The following FNBP4 variants were observed in gnomAD, a reference collection of about 807,000 sequenced individuals.
FNBP4 encodes formin-binding protein 4.
A neutral mutation model predicts 119.3 loss-of-function variants in FNBP4; 34 were observed. The ratio of observed to expected loss-of-function variants is 0.28; its 90% CI spans 0.22 to 0.38. FNBP4 has a LOEUF of 0.38. Ranked by LOEUF, FNBP4 falls within the 10% of genes least tolerant of loss-of-function variation. The probability of loss-of-function intolerance (pLI) is 1.00; values close to 1 mark genes in which losing one functional copy is unlikely to be tolerated. For missense variants in FNBP4, 1,112 were observed against 1,228.9 expected (o/e 0.90, Z 1.42); for synonymous variants, 462 against 430.6 (o/e 1.07, Z -0.90).
At chr11:47,748,360 C>T (rs2097595101) in intron 6 of FNBP4, among the ~76,000 whole-genome samples, 2 of 151,930 alleles carry the variant, frequency 1.3e-5, no homozygotes, top group South Asian at 4.1e-4. Context: ...TAACACTTGT[C>T]CTATCCTCCT....
chr11:47,724,019 C>T lies in FNBP4; in HGVS notation c.2464+9G>A. 6.8e-6 allele frequency: 11 copies of T among 1,612,328 alleles called. No individual in the cohort carries two copies. Among genetic ancestry groups the T allele is most frequent in the Non-Finnish European group, 8.5e-6 (10 of 1,179,496 alleles). ...CATTGAGGAAAAACCACGCTCTATG[C>T]ACAATTACCTGTAGCTATAGCTGAC... On this transcript the variant is annotated intron_variant, in intron 14 of 16. Transcript: ENST00000263773.
chr11:47,730,473 A>C (rs2097566109), intron 12 of FNBP4, among the ~76,000 whole-genome samples: 1 of 152,258 alleles, frequency 6.6e-6, no homozygotes, highest in Admixed American at 6.5e-5. Context: ...TTGGTACATT[A>C]CTAGTGCTTT....
At chr11:47,735,190 A>C (rs1398419360) in intron 9 of FNBP4, among the ~76,000 whole-genome samples, 2 of 152,206 alleles carry the variant, frequency 1.3e-5, no homozygotes, top group African/African-American at 4.8e-5. Flanking sequence ...GACATAGTAC[A>C]TGCAAGATAT....
At position 47,745,985 on chromosome 11, in the gene FNBP4, GTCAAGCACAA is replaced by G. The variant is rs1416561839; in HGVS notation, c.1245+61_1245+70del. On this transcript the variant is annotated intron_variant, in intron 7 of 16. Coordinates refer to ENST00000263773, the MANE Select transcript of FNBP4 (RefSeq NM_015308.5). ...AACAAAATCCCAATAATGGTTGTAA[GTCAAGCACAA>G]TGATCCCTGTAGAGTAGTACTGAGG... 4 of 1,294,518 alleles carry G rather than the reference GTCAAGCACAA, an allele frequency of 3.1e-6. No individual in the cohort carries two copies. In the Admixed American group the frequency reaches 7.0e-5, roughly 23 times the overall value. The allele number at this position is 1,294,518 out of a possible 1,614,324, so 80.2% of individuals were successfully genotyped here.
chr11:47,724,007 C>A (rs368064726), intron 14 of FNBP4, 21 bp downstream of exon 14: 7 of 1,605,732 alleles, frequency 4.4e-6, no homozygotes, highest in Non-Finnish European at 4.2e-6. Context: ...TGAGGAAAAA[C>A]CACGCTCTAT....
intron 1 of FNBP4, among the ~76,000 whole-genome samples, chr11:47,766,511 T>C (rs7128206): frequency 0.94 from 142,709 of 152,252 alleles, 67,598 homozygotes; most frequent in East Asian, 1. Flanking sequence ...CGGCGCCTAG[T>C]CCTGGAGTCA....
Position 47,751,023 on chromosome 11 carries a change from C to G in FNBP4, c.799G>C (p.Ala267Pro), listed in dbSNP as rs1000200109. 2 of 1,613,744 alleles carry G rather than the reference C, an allele frequency of 1.2e-6. No individual in the cohort carries two copies. The highest frequency in any genetic ancestry group is 1.7e-6 in the Non-Finnish European group (2 of 1,179,970). The change falls in exon 6 of 17, where the codon GCT becomes CCT. Residue 267 changes from alanine to proline, a missense_variant. By Grantham distance (27) the Ala-to-Pro change is conservative. This residue lies in a region of FNBP4 where 826 missense variants were observed against 988.8 expected (regional missense o/e 0.84). Transcript: ENST00000263773. Reference sequence around the variant, plus strand: ...GTATTTACCACAAAACTAGTTTCAGCACCTGGCACAGAACTAAAAAAATAT... The same window carrying G: ...GTATTTACCACAAAACTAGTTTCAGGACCTGGCACAGAACTAAAAAAATAT... ...QHYQPSSVPG[A>P]ETSFVVNTDI...
At chr11:47,755,249 A>C (rs2097614360) in intron 2 of FNBP4, among the ~76,000 whole-genome samples, 1 of 152,124 alleles carries the variant, frequency 6.6e-6, no homozygotes, top group Non-Finnish European at 1.5e-5. Context: ...CAGGAGTTCA[A>C]GACCAGCCTG....
chr11:47,723,230 G>A lies in FNBP4; in HGVS notation c.2551C>T (p.His851Tyr). The A allele has an allele frequency of 6.2e-7, 1 of 1,614,156 alleles. No individual in the cohort carries two copies. The highest frequency in any genetic ancestry group is 8.5e-7 in the Non-Finnish European group (1 of 1,180,032). ...TGCAGGCTCATTCCTCTGGCCTGAT[G>A]ACCCATTCCTGCTGCTGGAAGGCTA... is the stretch of plus-strand genomic sequence containing the variant. ...PVSLPAAGMG[H>Y]QARGMSLQSN... Residue 851 changes from histidine (H) to tyrosine (Y), a missense_variant, in exon 15 of 17, where the codon CAT (histidine) becomes TAT (tyrosine). Coordinates refer to ENST00000263773, the MANE Select transcript of FNBP4 (RefSeq NM_015308.5).
At chr11:47,744,266 G>T in intron 7 of FNBP4, 103 bp from the exon 8 acceptor site, 2 of 1,134,608 alleles carry the variant, frequency 1.8e-6, no homozygotes, top group Non-Finnish European at 2.5e-6. Flanking sequence ...AATTCTTTGA[G>T]AACAGAAAGC....
intron 2 of FNBP4, among the ~76,000 whole-genome samples, chr11:47,762,183 A>C (rs946029429): frequency 6.8e-6 from 1 of 146,366 alleles, no homozygotes; most frequent in African/African-American, 2.6e-5. Context: ...CCCAGGCTGG[A>C]GTGCAATGGT....
At chr11:47,759,412 C>T (rs1057015450) in intron 2 of FNBP4, among the ~76,000 whole-genome samples, 4 of 151,670 alleles carry the variant, frequency 2.6e-5, no homozygotes, top group African/African-American at 9.7e-5. Flanking sequence ...TGGGGTTTCA[C>T]CATGTTGGCC....
rs1599276985 is a variant in FNBP4 at position 47,765,374 on chromosome 11, A to AAAAGGAAAAGAAAAG, written c.221-13_221-12insCTTTTCTTTTCCTTT. 9.8e-7 allele frequency: 1 copy of AAAAGGAAAAGAAAAG among 1,025,226 alleles called. No homozygotes were observed. The highest frequency in any genetic ancestry group is 1.8e-5 in the African/African-American group (1 of 54,800). The allele number at this position is 1,025,226 out of a possible 1,614,324, so 63.5% of individuals were successfully genotyped here. A position where few individuals can be genotyped will look rare whatever the true frequency, so the allele number is the denominator to read the frequency against. On this transcript the variant is annotated splice_polypyrimidine_tract_variant and intron_variant, in intron 1 of 16. Coordinates refer to ENST00000263773, the MANE Select transcript of FNBP4 (RefSeq NM_015308.5). ...CGCTTCCTGTTCATCTGGATTAAAAAAAAAGAAAAGAAAAGAAAAGAAAAG... is the reference window on the plus strand; with the variant it reads ...CGCTTCCTGTTCATCTGGATTAAAAAAAAGGAAAAGAAAAGAAAAGAAAAGAAAAGAAAAGAAAAG...
intron 3 of FNBP4, 108 bp downstream of exon 3, chr11:47,754,420 G>A: frequency 3.8e-6 from 4 of 1,039,966 alleles, no homozygotes; most frequent in Non-Finnish European, 5.7e-6. Context: ...TGGAGGGAGA[G>A]GGAGAAAGGA....
chr11:47,765,216 G>T, intron 2 of FNBP4, 54 bp downstream of exon 2: 1 of 1,196,298 alleles, frequency 8.4e-7, no homozygotes, highest in Non-Finnish European at 1.2e-6. Flanking sequence ...AACCCAACTT[G>T]ACTTTAATGA....
At chr11:47,749,716 A>G (rs919672279) in intron 6 of FNBP4, among the ~76,000 whole-genome samples, 6 of 152,190 alleles carry the variant, frequency 3.9e-5, no homozygotes, top group African/African-American at 1.4e-4. Context: ...AGTATCCGTT[A>G]TTGAAAAATC....
chr11:47,725,088 G>T (rs750007778), intron 12 of FNBP4: 6 of 213,138 alleles, frequency 2.8e-5, no homozygotes, highest in Non-Finnish European at 5.5e-5. Context: ...TGTCCTTCGG[G>T]TCCATATTTA....
chr11:47,740,806 G>A (rs2097580920), intron 8 of FNBP4, among the ~76,000 whole-genome samples: 2 of 151,492 alleles, frequency 1.3e-5, no homozygotes, highest in Non-Finnish European at 2.9e-5. Flanking sequence ...TGGCCAAGAT[G>A]GTCTCGATCT....
chr11:47,746,493 TA>T, intron 6 of FNBP4, 99 bp from the exon 7 acceptor site: 1 of 1,088,706 alleles, frequency 9.2e-7, no homozygotes, highest in South Asian at 1.7e-5. Context: ...CTGTTTTCAG[TA>T]GCTGAATACT....
Sources: gnomAD v4.1 joint callset for allele counts (sites outside exome capture counted in the v4.1 genomes callset) on GRCh38, gnomAD v4.1.1 for gene constraint, gnomAD v4.1.1 regional missense constraint, MANE v1.5 for transcripts, NCBI Gene and HGNC (gene_info 2026-07-23, HGNC 2026-07-21) for gene names.